MBOAT2: variants seen among roughly 807,000 people sequenced by gnomAD.
MBOAT2 encodes the protein membrane-bound glycerophospholipid O-acyltransferase 2.
A neutral mutation model predicts 63.4 loss-of-function variants in MBOAT2; 28 were observed. The ratio of observed to expected loss-of-function variants is 0.44; its 90% CI spans 0.33 to 0.61. The LOEUF (loss-of-function observed/expected upper bound fraction) is 0.61. Ranked by LOEUF, MBOAT2 falls within the 20% of genes least tolerant of loss-of-function variation. The pLI is 0.03. For missense variants in MBOAT2, 470 were observed against 605.8 expected, an observed-to-expected ratio of 0.78 and a Z score of 2.35; for synonymous variants, 211 against 215.6, an observed-to-expected ratio of 0.98 and a Z score of 0.19.
intron 3 of MBOAT2, among the ~76,000 whole-genome samples, chr2:8,922,265 T>C (rs999603199): frequency 5.3e-5 from 8 of 152,222 alleles, no homozygotes; most frequent in Non-Finnish European, 1.2e-4. Context: ...TGTTAAATCA[T>C]GATCCTCCTT....
At chr2:8,994,425 A>G (rs560624800) in intron 1 of MBOAT2, among the ~76,000 whole-genome samples, 1 of 152,342 alleles carries the variant, frequency 6.6e-6, no homozygotes, top group Admixed American at 6.5e-5. Flanking sequence ...AGGACCCCGC[A>G]TGGGATCTTG....
chr2:8,917,775 G>A (rs1442230260), intron 3 of MBOAT2, among the ~76,000 whole-genome samples: 1 of 152,142 alleles, frequency 6.6e-6, no homozygotes, highest in Non-Finnish European at 1.5e-5. Flanking sequence ...AAAAATACTT[G>A]AAGAATGTTT....
intron 1 of MBOAT2, among the ~76,000 whole-genome samples, chr2:8,987,755 G>A (rs1328656259): frequency 6.6e-6 from 1 of 152,096 alleles, no homozygotes; most frequent in Non-Finnish European, 1.5e-5. Context: ...TCCTCACAAC[G>A]TGGTGGCTGC....
chr2:8,970,111 T>C (rs988828567), intron 1 of MBOAT2, among the ~76,000 whole-genome samples: 9 of 152,192 alleles, frequency 5.9e-5, no homozygotes, highest in Non-Finnish European at 7.3e-5. Flanking sequence ...ATTGACCACA[T>C]AGTTGGAAGT....
chr2:8,943,191 G>T lies in MBOAT2; in HGVS notation c.295C>A (p.His99Asn). 1 of 1,539,408 alleles carries T rather than the reference G, an allele frequency of 6.5e-7. No individual in the cohort carries two copies. The highest frequency in any genetic ancestry group is 8.8e-7 in the Non-Finnish European group (1 of 1,132,460). ...GTGAACAAAGTGAATACTTACTTGT[G>T]CATGTTCTCCACTCCTATGATGATC... Reference protein sequence around the residue: ...IMIIIGVENMHNYCFVFALGY... With the variant: ...IMIIIGVENMNNYCFVFALGY... Residue 99 changes from histidine to asparagine, a missense_variant, in exon 3 of 13, where the codon CAC becomes AAC. Around this residue, in one of 3 missense-constraint regions of MBOAT2, gnomAD observed 376 missense variants for 503.8 expected, o/e 0.75. Transcript: ENST00000305997.
In MBOAT2 at chr2:8,858,767, G is replaced by T. The variant is rs1466050709; in HGVS notation, c.1475C>A (p.Ser492Tyr). 3 of 1,613,908 alleles carry T rather than the reference G, an allele frequency of 1.9e-6. No homozygotes were observed. The African/African-American group carries it at 4.0e-5, about 22-fold the overall frequency. The change falls in exon 13 of 13, where the codon TCT (serine) becomes TAT (tyrosine). Residue 492 changes from serine (S) to tyrosine (Y), a missense_variant. Coordinates refer to ENST00000305997, the MANE Select transcript of MBOAT2 (RefSeq NM_138799.4). ...QSKKFDEGEN[S>Y]LGQNSFSTTN... ...TGTAGAAAAACTGTTCTGTCCCAAAGAATTTTCTCCTTCATCAAACTTTTT... is the reference window on the plus strand; with the variant it reads ...TGTAGAAAAACTGTTCTGTCCCAAATAATTTTCTCCTTCATCAAACTTTTT...
chr2:8,912,335 G>GAAAGAAAT (rs1558606482), intron 3 of MBOAT2, among the ~76,000 whole-genome samples: 1 of 104,266 alleles, frequency 9.6e-6, no homozygotes, highest in Non-Finnish European at 1.9e-5. Context: ...AAGAAAGAAA[G>GAAAGAAAT]AAAGAAAGAA....
intron 3 of MBOAT2, among the ~76,000 whole-genome samples, chr2:8,936,786 C>CAAAAAA (rs745694357): frequency 7.8e-4 from 43 of 55,202 alleles, no homozygotes; most frequent in African/African-American, 1.2e-3. Flanking sequence ...GACTCCGTCT[C>CAAAAAA]AAAAAAAAAA....
intron 6 of MBOAT2, among the ~76,000 whole-genome samples, chr2:8,878,848 G>A (rs1416904359): frequency 1.3e-5 from 2 of 151,916 alleles, no homozygotes; most frequent in Non-Finnish European, 2.9e-5. Flanking sequence ...AGGCCGAGGC[G>A]GGCGGATCAC....
At chr2:8,886,884 A>G (rs993671294) in intron 5 of MBOAT2, among the ~76,000 whole-genome samples, 5 of 152,196 alleles carry the variant, frequency 3.3e-5, no homozygotes, top group Non-Finnish European at 7.3e-5. Context: ...TTTTACCTAC[A>G]GTGTTTCCTA....
At chr2:8,958,903 C>T (rs558810189) in intron 1 of MBOAT2, among the ~76,000 whole-genome samples, 94 of 152,188 alleles carry the variant, frequency 6.2e-4, no homozygotes, top group Middle Eastern at 3.4e-3. Flanking sequence ...TAGAAGGACA[C>T]CTGGAAAAAT....
chr2:8,877,141 G>A lies in MBOAT2; in HGVS notation c.579C>T (p.Cys193=). ...NFMGILAGPL[C]SYKDYITFIE... is the part of the protein sequence containing the mutation. ...TGAAAGTAATGTAGTCTTTGTAAGA[G>A]CAAAGTGGGCCTGCCAGGATCCCCA... The change falls in exon 7 of 13, where the codon TGC becomes TGT. Residue 193 remains cysteine, a synonymous_variant. Coordinates refer to ENST00000305997, the MANE Select transcript of MBOAT2 (RefSeq NM_138799.4). The A allele has an allele frequency of 6.2e-7, 1 of 1,614,134 alleles. No individual in the cohort carries two copies. The highest frequency in any genetic ancestry group is 1.1e-5 in the South Asian group (1 of 91,078).
intron 1 of MBOAT2, among the ~76,000 whole-genome samples, chr2:8,966,512 T>C (rs1370862274): frequency 1.3e-5 from 2 of 152,226 alleles, no homozygotes; most frequent in Non-Finnish European, 2.9e-5. Context: ...TGAATTATTT[T>C]TTTTGTTTTT....
At chr2:8,947,107 T>G (rs115269836) in intron 2 of MBOAT2, among the ~76,000 whole-genome samples, 1,869 of 152,286 alleles carry the variant, frequency 0.012, 28 homozygotes, top group Non-Finnish European at 0.018. Context: ...ACACAAATGG[T>G]AAGAAAGCAA....
intron 8 of MBOAT2, among the ~76,000 whole-genome samples, chr2:8,872,189 T>A (rs745520315): frequency 1.3e-5 from 2 of 152,222 alleles, no homozygotes; most frequent in Non-Finnish European, 2.9e-5. Context: ...GGTACCTCCA[T>A]GTCTCTTTGC....
intron 7 of MBOAT2, among the ~76,000 whole-genome samples, chr2:8,875,870 C>T (rs1378826952): frequency 6.6e-6 from 1 of 152,190 alleles, no homozygotes; most frequent in Non-Finnish European, 1.5e-5. Context: ...AGACAAAACA[C>T]CTTTTTGGTA....
At chr2:8,865,100 A>T (rs1323869170) in intron 9 of MBOAT2, among the ~76,000 whole-genome samples, 2 of 152,158 alleles carry the variant, frequency 1.3e-5, no homozygotes, top group African/African-American at 4.8e-5. Flanking sequence ...GTTCTCCACC[A>T]CGACTGAGCC....
intron 3 of MBOAT2, among the ~76,000 whole-genome samples, chr2:8,942,845 C>T (rs1203037852): frequency 6.6e-6 from 1 of 152,156 alleles, no homozygotes; most frequent in Non-Finnish European, 1.5e-5. Context: ...TTTCGCTTCT[C>T]CAAGAGACAT....
At chr2:8,886,477 G>A (rs1663559851) in intron 5 of MBOAT2, among the ~76,000 whole-genome samples, 1 of 152,192 alleles carries the variant, frequency 6.6e-6, no homozygotes, top group South Asian at 2.1e-4. Flanking sequence ...GGCTTAGACA[G>A]GGTTCAATCT....
Sources: allele counts gnomAD v4.1 joint callset (sites outside exome capture counted in the v4.1 genomes callset), GRCh38; gene constraint gnomAD v4.1.1; regional missense constraint gnomAD v4.1.1; transcripts MANE v1.5; gene names NCBI Gene and HGNC (gene_info 2026-07-23, HGNC 2026-07-21).